The following RSPO2 variants were observed in gnomAD, a reference collection of about 807,000 sequenced individuals.
RSPO2 encodes R-spondin 2.
Under a neutral mutation model 30.9 loss-of-function variants are expected in RSPO2, and 14 were observed. The observed-to-expected ratio is 0.45, with a 90% CI of 0.30 to 0.71. RSPO2 has a LOEUF of 0.71. Ranked by LOEUF, RSPO2 falls within the 30% of genes least tolerant of loss-of-function variation. The probability of loss-of-function intolerance (pLI) is 0.08; values close to 1 mark genes in which losing one functional copy is unlikely to be tolerated. For synonymous variants in RSPO2, 107 were observed against 96.4 expected (o/e 1.11, Z -0.64); for missense variants, 264 against 301.9 (o/e 0.87, Z 0.93).
chr8:108,081,719 CCTT>C (rs945004326), intron 2 of RSPO2: 1 of 174,070 alleles, frequency 5.7e-6, no homozygotes, highest in African/African-American at 2.4e-5. Flanking sequence ...CTTCCACCCG[CCTT>C]CTCCGCTACG....
At chr8:107,920,543 T>G (rs988394290) in intron 5 of RSPO2, among the ~76,000 whole-genome samples, 2 of 152,064 alleles carry the variant, frequency 1.3e-5, no homozygotes, top group South Asian at 2.1e-4. Context: ...AAAAGAAAAG[T>G]AGGATTCAAG....
intron 5 of RSPO2, among the ~76,000 whole-genome samples, chr8:107,915,342 G>A (rs1295468335): frequency 6.6e-6 from 1 of 152,058 alleles, no homozygotes; most frequent in East Asian, 1.9e-4. Context: ...GTATCCTAGG[G>A]TCTGCCAACA....
At position 107,899,525 on chromosome 8, in the gene RSPO2, G is replaced by A. The variant is rs1487894822; in HGVS notation, c.*1550C>T. On this transcript the variant is annotated 3_prime_UTR_variant, in exon 6 of 6. Transcript: ENST00000276659. Reference sequence around the variant, plus strand: ...TTCATATGTGGCTTATTATCTCATAGCAATATTTTCATAACGATGTATATG... The same window carrying A: ...TTCATATGTGGCTTATTATCTCATAACAATATTTTCATAACGATGTATATG... The A allele has an allele frequency of 6.6e-6, 1 of 152,386 alleles. No homozygotes were observed. Among genetic ancestry groups the A allele is most frequent in the Non-Finnish European group, 1.5e-5 (1 of 68,016 alleles). 9.4% of individuals were successfully genotyped at this position (152,386 alleles called of 1,614,324 possible). A position where few individuals can be genotyped will look rare whatever the true frequency, so the allele number is the denominator to read the frequency against.
At chr8:107,926,004 A>C (rs1812357888) in intron 5 of RSPO2, among the ~76,000 whole-genome samples, 1 of 152,170 alleles carries the variant, frequency 6.6e-6, no homozygotes, top group South Asian at 2.1e-4. Context: ...TGGTTGAACT[A>C]GTTTACAGTC....
rs375599310 is a variant in RSPO2 at position 107,905,446 on chromosome 8, A to T, written c.617-4256T>A. Among the ~76,000 whole-genome samples the T allele has an allele frequency of 8.5e-5, 13 of 152,218 alleles. No individual in the cohort carries two copies. The South Asian group carries it at 2.7e-3, about 32-fold the overall frequency. ...CTGTGGAAAGTAAGCCACAATTATG[A>T]CAAATATAATTAACTGGAATTTACT... is the stretch of plus-strand genomic sequence containing the variant. On this transcript the variant is annotated intron_variant, in intron 5 of 5. Coordinates refer to ENST00000276659, the MANE Select transcript of RSPO2 (RefSeq NM_178565.5).
intron 2 of RSPO2, among the ~76,000 whole-genome samples, chr8:108,065,272 C>A (rs1232245017): frequency 3.0e-5 from 4 of 132,716 alleles, no homozygotes; most frequent in African/African-American, 8.7e-5. Flanking sequence ...ACATTCTGCA[C>A]ATGTATCTCA....
intron 3 of RSPO2, among the ~76,000 whole-genome samples, chr8:107,964,995 C>G (rs1813749136): frequency 6.6e-6 from 1 of 152,124 alleles, no homozygotes; most frequent in South Asian, 2.1e-4. Context: ...TAGAAAACCT[C>G]TATGTAAATC....
intron 2 of RSPO2, among the ~76,000 whole-genome samples, chr8:108,069,122 C>A (rs184250690): frequency 2.0e-5 from 3 of 152,188 alleles, no homozygotes; most frequent in African/African-American, 7.2e-5. Context: ...ACATTATAAC[C>A]TCAGAGTAAG....
At chr8:107,907,949 T>G (rs1811705483) in intron 5 of RSPO2, among the ~76,000 whole-genome samples, 1 of 152,134 alleles carries the variant, frequency 6.6e-6, no homozygotes, top group Admixed American at 6.6e-5. Flanking sequence ...GAAGTCCTAT[T>G]TGGTTTTAAA....
intron 5 of RSPO2, among the ~76,000 whole-genome samples, chr8:107,905,399 C>T (rs1283169845): frequency 2.0e-5 from 3 of 151,988 alleles, no homozygotes; most frequent in African/African-American, 7.2e-5. Flanking sequence ...GACATACCTA[C>T]ATACATATAT....
intron 2 of RSPO2, among the ~76,000 whole-genome samples, chr8:108,039,036 C>T (rs976889054): frequency 5.3e-5 from 8 of 152,180 alleles, no homozygotes; most frequent in Admixed American, 2.0e-4. Context: ...ACATTTTGAA[C>T]GGCTTAAATA....
At chr8:108,074,193 A>C (rs1812939052) in intron 2 of RSPO2, among the ~76,000 whole-genome samples, 1 of 152,238 alleles carries the variant, frequency 6.6e-6, no homozygotes, top group African/African-American at 2.4e-5. Flanking sequence ...TGCTCTTAGT[A>C]TCTTTCAGCA....
chr8:107,950,749 T>C (rs1813214562), intron 5 of RSPO2, among the ~76,000 whole-genome samples: 1 of 116,892 alleles, frequency 8.6e-6, no homozygotes, highest in East Asian at 2.2e-4. Flanking sequence ...GGTTAATTAA[T>C]GGTAAAAAAA....
intron 2 of RSPO2, among the ~76,000 whole-genome samples, chr8:108,060,846 C>T (rs1045406463): frequency 1.3e-5 from 2 of 151,804 alleles, no homozygotes; most frequent in African/African-American, 4.9e-5. Context: ...TCAAAAGAAC[C>T]TCTACAAGCC....
chr8:107,919,070 G>A (rs771329586), intron 5 of RSPO2, among the ~76,000 whole-genome samples: 3 of 152,158 alleles, frequency 2.0e-5, no homozygotes, highest in Non-Finnish European at 2.9e-5. Context: ...TATAAGCCTT[G>A]GAACCCCAGC....
intron 3 of RSPO2, among the ~76,000 whole-genome samples, chr8:107,963,288 A>G (rs1432347673): frequency 1.3e-5 from 2 of 151,482 alleles, no homozygotes; most frequent in East Asian, 3.9e-4. Context: ...TAATTCCAAC[A>G]CTTTGGGAGG....
At chr8:107,921,567 A>C (rs1419202395) in intron 5 of RSPO2, among the ~76,000 whole-genome samples, 2 of 152,070 alleles carry the variant, frequency 1.3e-5, no homozygotes, top group Non-Finnish European at 2.9e-5. Flanking sequence ...AAACTATTCC[A>C]AAAAAATTGA....
chr8:108,038,658 A>C (rs1167344996), intron 2 of RSPO2, among the ~76,000 whole-genome samples: 1 of 152,100 alleles, frequency 6.6e-6, no homozygotes, highest in Non-Finnish European at 1.5e-5. Context: ...ACCTTCAGCA[A>C]CCACCACACT....
chr8:107,996,984 C>G (rs1224389138), intron 2 of RSPO2: 3 of 442,422 alleles, frequency 6.8e-6, no homozygotes, highest in Non-Finnish European at 1.4e-5. Flanking sequence ...GTGATGTGAA[C>G]CACACCTAAC....
Sources: allele counts gnomAD v4.1 joint callset (sites outside exome capture counted in the v4.1 genomes callset), GRCh38; gene constraint gnomAD v4.1.1; transcripts MANE v1.5; gene names NCBI Gene and HGNC (gene_info 2026-07-23, HGNC 2026-07-21).